Variants in AQP9 observed in about 807,000 individuals in gnomAD.
AQP9 encodes the protein aquaporin 9, also known as aquaporin-9.
Under a neutral mutation model 23.8 loss-of-function variants are expected in AQP9, and 19 were observed. The observed-to-expected ratio is 0.80, with a 90% confidence interval of 0.56 to 1.17. The LOEUF is 1.17. AQP9 is among the 50% of genes most tolerant of loss of function. The pLI is 0.00. For missense variants in AQP9, 413 were observed against 362.0 expected, an observed-to-expected ratio of 1.14 and a Z score of -1.14; for synonymous variants, 153 against 131.5, an observed-to-expected ratio of 1.16 and a Z score of -1.12.
chr15:58,169,461 A>G (rs1898574982), intron 2 of AQP9, among the ~76,000 whole-genome samples: 1 of 152,198 alleles, frequency 6.6e-6, no homozygotes, highest in Non-Finnish European at 1.5e-5. Context: ...GGACAACAGC[A>G]TCAGTATCAG....
Position 58,179,192 on chromosome 15 carries a change from C to T in AQP9, c.560C>T (p.Ala187Val), listed in dbSNP as rs17848098. The T allele has an allele frequency of 7.9e-5, 127 of 1,613,092 alleles. 1 individual carries two copies. In the East Asian group the frequency reaches 2.7e-3, roughly 35 times the overall value. Residue 187 changes from alanine to valine, a missense_variant, in exon 5 of 6, where the codon GCC (alanine) becomes GTC (valine). Ala to Val is a moderately conservative substitution (Grantham distance 64, BLOSUM62 0). Transcript: ENST00000219919. ...FAIFDSRNLG[A>V]PRGLEPIAIG... ...ATCTTTGACTCCAGAAACTTGGGAG[C>T]CCCCAGAGGCCTAGAGCCCATTGCC...
chr15:58,183,668 G>T (rs1238375830), intron 5 of AQP9, among the ~76,000 whole-genome samples: 7 of 151,990 alleles, frequency 4.6e-5, no homozygotes, highest in Non-Finnish European at 7.4e-5. Flanking sequence ...TTTCTTAGGG[G>T]CCCTCAATCT....
rs1447016937 is a variant in AQP9 at position 58,175,151 on chromosome 15, G to A, written c.495+115G>A. 3 of 1,034,422 alleles carry A rather than the reference G, an allele frequency of 2.9e-6. No individual in the cohort carries two copies. The South Asian group carries it at 4.5e-5, about 15-fold the overall frequency. 64.1% of individuals were successfully genotyped at this position (1,034,422 alleles called of 1,614,324 possible). On this transcript the variant is annotated intron_variant, in intron 4 of 5. Transcript: ENST00000219919. ...AGGAGAGATTATATTTCCAAAGGCAGAGGTTGCTGGGCATAACCCAAGCTT... is the reference window on the plus strand; with the variant it reads ...AGGAGAGATTATATTTCCAAAGGCAAAGGTTGCTGGGCATAACCCAAGCTT...
chr15:58,154,447 G>A (rs1228973331), intron 1 of AQP9: 1 of 151,814 alleles, frequency 6.6e-6, no homozygotes, highest in Non-Finnish European at 1.5e-5. Flanking sequence ...GACAAATAAC[G>A]TTCAACCAGC....
intron 1 of AQP9, 126 bp downstream of exon 1, chr15:58,138,802 G>A (rs1335094118): frequency 1.3e-6 from 1 of 781,170 alleles, no homozygotes. Context: ...TCTTTTCCAG[G>A]AAGAAACAAG....
At chr15:58,138,726 C>A in intron 1 of AQP9, 50 bp downstream of exon 1, 1 of 1,503,866 alleles carries the variant, frequency 6.6e-7, no homozygotes, top group Non-Finnish European at 9.2e-7. Flanking sequence ...GCCTCCCTAG[C>A]TGCCAGGCTG....
intron 4 of AQP9, among the ~76,000 whole-genome samples, chr15:58,177,569 A>G (rs1414303327): frequency 3.9e-5 from 6 of 152,188 alleles, no homozygotes; most frequent in African/African-American, 1.4e-4. Context: ...TTAAACTTTA[A>G]AATCAGTTGC....
At chr15:58,176,182 C>G (rs1898749921) in intron 4 of AQP9, among the ~76,000 whole-genome samples, 1 of 152,070 alleles carries the variant, frequency 6.6e-6, no homozygotes, top group African/African-American at 2.4e-5. Flanking sequence ...AATTTTGAAT[C>G]TAGTTGAAGA....
At chr15:58,147,815 ATACTC>A (rs1306572844) in intron 1 of AQP9, among the ~76,000 whole-genome samples, 3 of 152,176 alleles carry the variant, frequency 2.0e-5, no homozygotes, top group African/African-American at 4.8e-5. Context: ...TAATACAAAA[ATACTC>A]TAAGCTATTC....
intron 1 of AQP9, among the ~76,000 whole-genome samples, chr15:58,139,869 T>C (rs1007222675): frequency 1.3e-4 from 20 of 152,214 alleles, no homozygotes; most frequent in Admixed American, 1.3e-3. Context: ...TCCTGGCTGC[T>C]CTGACCACAC....
At chr15:58,170,018 G>C (rs984991747) in intron 2 of AQP9, among the ~76,000 whole-genome samples, 1 of 152,156 alleles carries the variant, frequency 6.6e-6, no homozygotes, top group Non-Finnish European at 1.5e-5. Context: ...TGCCCTGTGG[G>C]ATCCAGCTGT....
intron 4 of AQP9, among the ~76,000 whole-genome samples, chr15:58,178,131 A>G (rs1246509790): frequency 6.6e-6 from 1 of 152,184 alleles, no homozygotes; most frequent in Non-Finnish European, 1.5e-5. Flanking sequence ...ATAATACACA[A>G]TTTTATATTG....
intron 1 of AQP9, among the ~76,000 whole-genome samples, chr15:58,140,715 C>T (rs372400573): frequency 5.9e-5 from 9 of 152,144 alleles, no homozygotes; most frequent in East Asian, 5.8e-4. Context: ...AGGGGAACAT[C>T]GAAAAGATGG....
intron 1 of AQP9, chr15:58,153,527 G>A (rs1898190681): frequency 6.6e-6 from 1 of 151,924 alleles, no homozygotes; most frequent in Non-Finnish European, 1.5e-5. Context: ...AAGCCAACTA[G>A]GCCTTATAAT....
intron 1 of AQP9, chr15:58,151,969 A>G (rs1003574232): frequency 6.6e-6 from 1 of 152,116 alleles, no homozygotes; most frequent in African/African-American, 2.4e-5. Flanking sequence ...TTTGTCTATG[A>G]CAAACGGACT....
At chr15:58,175,117 C>G (rs1373304119) in intron 4 of AQP9, 81 bp downstream of exon 4, 22 of 1,247,598 alleles carry the variant, frequency 1.8e-5, no homozygotes. Context: ...AATTAGAGAC[C>G]AATCAGAAAG....
intron 1 of AQP9, among the ~76,000 whole-genome samples, chr15:58,162,791 T>G (rs1287781244): frequency 6.6e-6 from 1 of 152,166 alleles, no homozygotes; most frequent in Admixed American, 6.5e-5. Flanking sequence ...GTGAGATGCA[T>G]GAATATGCAA....
At chr15:58,176,105 T>C (rs187432389) in intron 4 of AQP9, among the ~76,000 whole-genome samples, 1 of 152,350 alleles carries the variant, frequency 6.6e-6, no homozygotes, top group African/African-American at 2.4e-5. Flanking sequence ...TGAGCCTTCA[T>C]GAAGTTACTT....
upstream of AQP9, chr15:58,138,318 T>C (rs1179186673): frequency 1.6e-5 from 6 of 370,962 alleles, no homozygotes; most frequent in East Asian, 2.2e-4. Flanking sequence ...AGGGATTGTT[T>C]TGGGGATTTC....
Sources: allele counts gnomAD v4.1 joint callset (sites outside exome capture counted in the v4.1 genomes callset), GRCh38; gene constraint gnomAD v4.1.1; transcripts MANE v1.5; gene names NCBI Gene and HGNC (gene_info 2026-07-23, HGNC 2026-07-21).